The following TM9SF4 variants were observed in gnomAD, a reference collection of about 807,000 sequenced individuals.
TM9SF4 encodes dinucleotide oxidase disulfide thiol exchanger 3 superfamily member 4.
In TM9SF4, 26 loss-of-function variants were observed where a neutral mutation model predicts 90.4. The ratio of observed to expected loss-of-function variants is 0.29; its 90% confidence interval spans 0.21 to 0.40. TM9SF4 has a LOEUF of 0.40. Ranked by LOEUF, TM9SF4 falls within the 10% of genes least tolerant of loss-of-function variation. TM9SF4 has a pLI of 1.00. For missense variants in TM9SF4, 549 were observed against 834.8 expected (o/e 0.66, Z 4.22); for synonymous variants, 293 against 315.4 (o/e 0.93, Z 0.75).
At chr20:32,123,903 T>C (rs2046380543) in intron 1 of TM9SF4, among the ~76,000 whole-genome samples, 1 of 132,594 alleles carries the variant, frequency 7.5e-6, no homozygotes, top group Non-Finnish European at 1.6e-5. Flanking sequence ...CCCTCTGTCA[T>C]CTGTGCTAGA....
rs972590178 is a variant in TM9SF4, at chr20:32,165,533, C to T, written c.*89C>T. The stretch of plus-strand genomic sequence containing the variant: ...TGCAGGCACGCAAAATAAAATAACT[C>T]CTGCTCGTTTGGAATGTAACTCCTG... On this transcript the variant is annotated 3_prime_UTR_variant, in exon 18 of 18. Coordinates refer to ENST00000398022, the MANE Select transcript of TM9SF4 (RefSeq NM_014742.4). 2.0e-6 allele frequency: 3 copies of T among 1,488,652 alleles called. No individual in the cohort carries two copies. The African/African-American group carries it at 4.2e-5, about 21-fold the overall frequency. The allele number at this position is 1,488,652 out of a possible 1,614,324, so 92.2% of individuals were successfully genotyped here. A position where few individuals can be genotyped will look rare whatever the true frequency, so the allele number is the denominator to read the frequency against.
In TM9SF4 at chr20:32,155,153, T is replaced by C; in HGVS notation, c.1296T>C (p.Asn432=). The part of the protein sequence containing the change: ...GVVFGICFVL[N]CFIWGKHSSG... ...TTTTTGGCATCTGCTTCGTATTGAA[T>C]TGCTTCATTTGGGGAAAGCACTCAT... Residue 432 remains asparagine, a synonymous_variant, in exon 13 of 18, where the codon AAT becomes AAC. Coordinates refer to ENST00000398022, the MANE Select transcript of TM9SF4 (RefSeq NM_014742.4). 3 of 1,614,182 alleles carry C rather than the reference T, an allele frequency of 1.9e-6. No individual in the cohort carries two copies. The South Asian group carries it at 3.3e-5, about 18-fold the overall frequency.
intron 5 of TM9SF4, 117 bp from the exon 6 acceptor site, chr20:32,142,865 A>G: frequency 7.3e-7 from 1 of 1,377,032 alleles, no homozygotes; most frequent in Non-Finnish European, 1.0e-6. Flanking sequence ...GAGTGATGAG[A>G]ACAGTGTTTT....
chr20:32,146,574 C>T (rs957880452), intron 8 of TM9SF4, among the ~76,000 whole-genome samples: 2 of 152,096 alleles, frequency 1.3e-5, no homozygotes, highest in Non-Finnish European at 2.9e-5. Flanking sequence ...ACCCTTTCCT[C>T]CCCACCTCCA....
At chr20:32,141,955 T>C in intron 5 of TM9SF4, 60 bp downstream of exon 5, 4 of 1,602,116 alleles carry the variant, frequency 2.5e-6, no homozygotes, top group Non-Finnish European at 3.4e-6. Flanking sequence ...TCCTGAGCAC[T>C]TGGGGCCACA....
chr20:32,145,455 T>G, intron 8 of TM9SF4, 32 bp downstream of exon 8: 13 of 1,568,136 alleles, frequency 8.3e-6, no homozygotes, highest in Non-Finnish European at 1.1e-5. Flanking sequence ...GGAAAGGGGA[T>G]GGGGGTTGGG....
At chr20:32,146,956 T>G in intron 9 of TM9SF4, 101 bp downstream of exon 9, 1 of 1,007,442 alleles carries the variant, frequency 9.9e-7, no homozygotes, top group Non-Finnish European at 1.5e-6. Flanking sequence ...AGAGGAAACC[T>G]CAAAATACTA....
At chr20:32,158,095 C>T in intron 14 of TM9SF4, 126 bp downstream of exon 14, 1 of 1,282,648 alleles carries the variant, frequency 7.8e-7, no homozygotes, top group African/African-American at 1.5e-5. Flanking sequence ...TTTATGAAAG[C>T]TTAACTTCAC....
At chr20:32,113,069 T>C (rs974171564) in intron 1 of TM9SF4, among the ~76,000 whole-genome samples, 1 of 152,174 alleles carries the variant, frequency 6.6e-6, no homozygotes, top group Non-Finnish European at 1.5e-5. Context: ...GGGGGTGCGG[T>C]AGACCTACTT....
At position 32,146,433 on chromosome 20, in the gene TM9SF4, A is replaced by G. The variant is rs1386548273; in HGVS notation, c.884-352A>G. 2.6e-5 allele frequency among the ~76,000 whole-genome samples: 4 copies of G among 152,204 alleles called. No individual in the cohort carries two copies. The East Asian group carries it at 5.8e-4, about 22-fold the overall frequency. On this transcript the variant is annotated intron_variant, in intron 8 of 17. Coordinates refer to ENST00000398022, the MANE Select transcript of TM9SF4 (RefSeq NM_014742.4). ...GAGAACATAGTGAGGCCAGGAGCCA[A>G]CTGAAGCAGCAGATAGCCAGAGGTG...
At chr20:32,127,407 G>C (rs2046438745) in intron 1 of TM9SF4, among the ~76,000 whole-genome samples, 1 of 152,154 alleles carries the variant, frequency 6.6e-6, no homozygotes, top group Non-Finnish European at 1.5e-5. Context: ...CTGGGTCTCA[G>C]ATTAACACCA....
chr20:32,118,506 C>CT (rs36145606), intron 1 of TM9SF4, among the ~76,000 whole-genome samples: 64,070 of 151,690 alleles, frequency 0.42, 13,913 homozygotes, highest in East Asian at 0.74. Flanking sequence ...ATAGCTCACT[C>CT]TAACTGCAGC....
At position 32,158,445 on chromosome 20, in the gene TM9SF4, T is replaced by C. The variant is rs6061195; in HGVS notation, c.1506-6T>C. On this transcript the variant is annotated splice_region_variant and splice_polypyrimidine_tract_variant and intron_variant, in intron 14 of 17. Transcript: ENST00000398022. ...CTAACAATGTCAACCTCTCGTTCTG[T>C]GGCAGCATCCTCATGGCTGGGATCT... 961,878 of 1,613,590 alleles carry C rather than the reference T, an allele frequency of 0.6. 295,763 individuals are homozygous for C. Among genetic ancestry groups the C allele is most frequent in the East Asian group, 0.98 (43,981 of 44,868 alleles).
intron 1 of TM9SF4, among the ~76,000 whole-genome samples, chr20:32,123,635 AT>A (rs945195443): frequency 1.7e-4 from 25 of 149,030 alleles, no homozygotes; most frequent in African/African-American, 5.7e-4. Context: ...GTATTTTTTC[AT>A]TTTTTTCCCT....
At chr20:32,116,935 T>TGTC (rs1157151062) in intron 1 of TM9SF4, among the ~76,000 whole-genome samples, 16 of 137,266 alleles carry the variant, frequency 1.2e-4, no homozygotes, top group African/African-American at 4.5e-4. Flanking sequence ...AAATGGTGAC[T>TGTC]GTCGCCAGGC....
At chr20:32,127,147 G>A (rs1465183314) in intron 1 of TM9SF4, among the ~76,000 whole-genome samples, 1 of 152,156 alleles carries the variant, frequency 6.6e-6, no homozygotes, top group East Asian at 1.9e-4. Flanking sequence ...CTGACTCTCA[G>A]TTTCCTCATC....
chr20:32,126,411 T>C (rs546262533), intron 1 of TM9SF4, among the ~76,000 whole-genome samples: 8 of 152,330 alleles, frequency 5.3e-5, no homozygotes, highest in African/African-American at 1.7e-4. Flanking sequence ...CCACCAGGCC[T>C]TTGCGTCTGT....
At chr20:32,123,862 A>ATT (rs1168474976) in intron 1 of TM9SF4, among the ~76,000 whole-genome samples, 1 of 53,132 alleles carries the variant, frequency 1.9e-5, no homozygotes, top group African/African-American at 1.1e-4. Context: ...ATATATATAT[A>ATT]TATATTTTTT....
intron 1 of TM9SF4, among the ~76,000 whole-genome samples, chr20:32,130,489 C>G (rs906500060): frequency 4.6e-5 from 7 of 152,216 alleles, no homozygotes; most frequent in African/African-American, 1.7e-4. Context: ...GACACACTTG[C>G]GTTCTAACCA....
Sources: gnomAD v4.1 joint callset for allele counts (sites outside exome capture counted in the v4.1 genomes callset) on GRCh38, gnomAD v4.1.1 for gene constraint, MANE v1.5 for transcripts, NCBI Gene and HGNC (gene_info 2026-07-23, HGNC 2026-07-21) for gene names.